The following ZNF407 variants were observed in gnomAD, a reference collection of about 807,000 sequenced individuals.
ZNF407 encodes the protein zinc finger protein 407.
In ZNF407, 17 loss-of-function variants were observed where a neutral mutation model predicts 131.2. The ratio of observed to expected loss-of-function variants is 0.13; its 90% confidence interval spans 0.09 to 0.19. The LOEUF is 0.19. ZNF407 is among the 10% of genes least tolerant of loss of function. The pLI is 1.00. For synonymous variants in ZNF407, 1,156 were observed against 1,062.0 expected, an observed-to-expected ratio of 1.09 and a Z score of -1.72; for missense variants, 2,681 against 2,830.6, an observed-to-expected ratio of 0.95 and a Z score of 1.20.
chr18:74,722,964 T>C (rs1218093252), intron 3 of ZNF407, among the ~76,000 whole-genome samples: 1 of 152,162 alleles, frequency 6.6e-6, no homozygotes. Context: ...AGACCTCTTG[T>C]AATTATTTCT....
At chr18:74,615,232 C>T (rs188929053) in intron 1 of ZNF407, among the ~76,000 whole-genome samples, 66 of 152,324 alleles carry the variant, frequency 4.3e-4, no homozygotes, top group Non-Finnish European at 7.6e-4. Flanking sequence ...ACAGGCTGGG[C>T]GCGGTGGCTT....
At chr18:74,766,683 A>G (rs1189515358) in intron 3 of ZNF407, among the ~76,000 whole-genome samples, 1 of 152,220 alleles carries the variant, frequency 6.6e-6, no homozygotes, top group East Asian at 1.9e-4. Context: ...CATGATGTAC[A>G]TGTTCAGTAC....
intron 8 of ZNF407, among the ~76,000 whole-genome samples, chr18:75,020,353 G>A (rs188006928): frequency 7.4e-4 from 112 of 151,144 alleles, no homozygotes; most frequent in African/African-American, 2.5e-3. Context: ...TATATATATA[G>A]GATCTGGTAC....
chr18:75,025,132 C>G (rs546156559), intron 8 of ZNF407, among the ~76,000 whole-genome samples: 2 of 152,236 alleles, frequency 1.3e-5, no homozygotes, highest in South Asian at 4.1e-4. Context: ...AGCTAAAACT[C>G]AAGATCAATT....
At chr18:74,825,767 C>T (rs561855646) in intron 4 of ZNF407, among the ~76,000 whole-genome samples, 1 of 152,254 alleles carries the variant, frequency 6.6e-6, no homozygotes, top group African/African-American at 2.4e-5. Context: ...GCCTTCTTAG[C>T]ATTAGCTAAC....
intron 8 of ZNF407, among the ~76,000 whole-genome samples, chr18:74,974,455 A>G (rs979393096): frequency 3.9e-5 from 6 of 152,232 alleles, no homozygotes; most frequent in Non-Finnish European, 7.3e-5. Context: ...GATGGCTGTA[A>G]TGACATCTCA....
Position 74,891,486 on chromosome 18 carries a change from A to G in ZNF407, c.5249+1448A>G, listed in dbSNP as rs1347083744. On this transcript the variant is annotated intron_variant, in intron 7 of 8. Coordinates refer to ENST00000299687, the MANE Select transcript of ZNF407 (RefSeq NM_017757.3). Reference sequence around the variant, plus strand: ...TGCCATAATCTCCATTATCAGCTACATTATTGCATTAAGTTTTATGTGAAA... The same window carrying G: ...TGCCATAATCTCCATTATCAGCTACGTTATTGCATTAAGTTTTATGTGAAA... Among the ~76,000 whole-genome samples the G allele has an allele frequency of 3.3e-5, 5 of 152,360 alleles. No individual in the cohort carries two copies. The East Asian group carries it at 7.7e-4, about 23-fold the overall frequency.
Position 74,642,071 on chromosome 18 carries a change from C to T in ZNF407, c.4802+949C>T, listed in dbSNP as rs368458062. Among the ~76,000 whole-genome samples the T allele has an allele frequency of 2.0e-5, 3 of 151,840 alleles. 1 individual carries two copies. The highest frequency in any genetic ancestry group is 4.8e-5 in the African/African-American group (2 of 41,392). ...GCTGATTGATAGTACCATGTAAATA[C>T]GTTTTATGTCAAAAACAAGTTCTGT... On this transcript the variant is annotated intron_variant, in intron 3 of 8. Transcript: ENST00000299687.
chr18:74,749,376 G>A (rs1205769166), intron 3 of ZNF407, among the ~76,000 whole-genome samples: 1 of 152,068 alleles, frequency 6.6e-6, no homozygotes. Context: ...ACGATGTTGG[G>A]TATGGCCTGT....
intron 3 of ZNF407, among the ~76,000 whole-genome samples, chr18:74,656,921 T>C (rs1441641896): frequency 6.6e-6 from 1 of 152,254 alleles, no homozygotes; most frequent in African/African-American, 2.4e-5. Flanking sequence ...ATGCCATTGT[T>C]GTTATCCTGT....
chr18:74,843,077 TCTATCCA>T (rs1970656342), intron 4 of ZNF407, among the ~76,000 whole-genome samples: 1 of 152,176 alleles, frequency 6.6e-6, no homozygotes, highest in Non-Finnish European at 1.5e-5. Flanking sequence ...GTTTCTCACA[TCTATCCA>T]CTTAAGGAGT....
intron 8 of ZNF407, among the ~76,000 whole-genome samples, chr18:75,054,845 C>T (rs1423968340): frequency 1.3e-5 from 2 of 152,254 alleles, no homozygotes; most frequent in Non-Finnish European, 2.9e-5. Context: ...GGAAGCCTCA[C>T]TCCTGAGGGA....
At chr18:74,607,830 A>G (rs1461771542) in intron 1 of ZNF407, among the ~76,000 whole-genome samples, 1 of 152,222 alleles carries the variant, frequency 6.6e-6, no homozygotes, top group Non-Finnish European at 1.5e-5. Flanking sequence ...AGTAAGGGGG[A>G]AATAACATAG....
chr18:74,636,109 CT>C (rs1247354800), intron 2 of ZNF407, among the ~76,000 whole-genome samples: 2 of 152,126 alleles, frequency 1.3e-5, no homozygotes, highest in African/African-American at 4.8e-5. Flanking sequence ...ATCAAATTTT[CT>C]TACAATATCA....
intron 8 of ZNF407, among the ~76,000 whole-genome samples, chr18:74,981,504 G>A (rs1972592971): frequency 6.6e-6 from 1 of 152,218 alleles, no homozygotes. Context: ...TAACTTTGTG[G>A]AAGGCTAAGA....
intron 3 of ZNF407, among the ~76,000 whole-genome samples, chr18:74,740,181 A>G (rs759809474): frequency 2.2e-4 from 33 of 152,084 alleles, no homozygotes; most frequent in Non-Finnish European, 3.4e-4. Flanking sequence ...TGCCTCTCTC[A>G]GTTTCTGGTG....
chr18:74,877,166 A>G (rs1265756510), intron 4 of ZNF407, 31 bp from the exon 5 acceptor site: 4 of 1,609,196 alleles, frequency 2.5e-6, no homozygotes, highest in Non-Finnish European at 3.4e-6. Flanking sequence ...TGCGGGCCAT[A>G]TTTATATTGT....
At position 74,635,501 on chromosome 18, in the gene ZNF407, C is replaced by T. The variant is rs778665386; in HGVS notation, c.4482C>T (p.Pro1494=). The part of the protein sequence containing the change: ...ATFKCVKCTE[P]FDSEQNLFLH... ...TTAAATGTGTCAAGTGCACAGAGCCCTTTGATTCTGAACAGAATTTATTTT... is the reference window on the plus strand; with the variant it reads ...TTAAATGTGTCAAGTGCACAGAGCCTTTTGATTCTGAACAGAATTTATTTT... Residue 1494 remains proline (P), a synonymous_variant, in exon 2 of 9, where the codon CCC becomes CCT. Transcript: ENST00000299687. The surrounding 1 kb of genome is among the most constrained non-coding windows in gnomAD (Gnocchi z 4.7). 6 of 1,612,204 alleles carry T rather than the reference C, an allele frequency of 3.7e-6. No individual in the cohort carries two copies. The highest frequency in any genetic ancestry group is 5.1e-6 in the Non-Finnish European group (6 of 1,179,048).
At chr18:74,809,145 A>G (rs1013546900) in intron 4 of ZNF407, among the ~76,000 whole-genome samples, 4 of 152,234 alleles carry the variant, frequency 2.6e-5, no homozygotes, top group African/African-American at 7.2e-5. Flanking sequence ...TAGATCCGGC[A>G]TGCATCTTCG....
Sources: gnomAD v4.1 joint callset for allele counts (sites outside exome capture counted in the v4.1 genomes callset) on GRCh38, gnomAD v4.1.1 for gene constraint, Gnocchi (gnomAD v3.1) non-coding constraint, MANE v1.5 for transcripts, NCBI Gene and HGNC (gene_info 2026-07-23, HGNC 2026-07-21) for gene names.